Variants in NEDD9 observed in about 807,000 individuals in gnomAD.
NEDD9 encodes the protein neural precursor cell expressed, developmentally down-regulated 9.
Under a neutral mutation model 76.6 loss-of-function variants are expected in NEDD9, and 26 were observed. The ratio of observed to expected loss-of-function variants is 0.34; its 90% CI spans 0.25 to 0.47. The LOEUF (loss-of-function observed/expected upper bound fraction) is 0.47. Ranked by LOEUF, NEDD9 falls within the 20% of genes least tolerant of loss-of-function variation. The pLI is 1.00. For synonymous variants in NEDD9, 392 were observed against 414.2 expected (o/e 0.95, Z 0.65); for missense variants, 937 against 1,058.5 (o/e 0.89, Z 1.59).
chr6:11,244,106 C>T (rs547561912), intron 3 of NEDD9, among the ~76,000 whole-genome samples: 1 of 152,264 alleles, frequency 6.6e-6, no homozygotes, highest in South Asian at 2.1e-4. Context: ...GACTGAGGTT[C>T]CCTGAAGAAG....
rs181542954 is a variant in NEDD9, at chr6:11,292,403, A to G, written c.12+13589T>C. Reference sequence around the variant, plus strand: ...GCTGGACTTTGTGACCCATAATCAAACCCAGAAAGCCTTCAGCAATCCCAT... The same window carrying G: ...GCTGGACTTTGTGACCCATAATCAAGCCCAGAAAGCCTTCAGCAATCCCAT... On this transcript the variant is annotated intron_variant, in intron 3 of 3. Coordinates refer to the NEDD9 transcript ENST00000397378. Among the ~76,000 whole-genome samples, 12 of 152,300 alleles carry G rather than the reference A, an allele frequency of 7.9e-5. No individual in the cohort carries two copies. In the East Asian group the frequency reaches 2.1e-3, roughly 27 times the overall value.
At chr6:11,351,673 C>A (rs145708432) in intron 1 of NEDD9, among the ~76,000 whole-genome samples, 186 of 152,326 alleles carry the variant, frequency 1.2e-3, no homozygotes, top group African/African-American at 4.0e-3. Flanking sequence ...CAGGTTATCA[C>A]CCGCTTTGCT....
At position 11,214,125 on chromosome 6, in the gene NEDD9, C is replaced by A. The variant is rs1421187385; in HGVS notation, c.13-398G>T. ...TTCAGATGTTCGACAATGAACATTT[C>A]TCAATATTGTTCTATATTGGAGGTG... On this transcript the variant is annotated intron_variant, in intron 1 of 6. Coordinates refer to ENST00000379446, the MANE Select transcript of NEDD9 (RefSeq NM_006403.4). 39 of 488,714 alleles carry A rather than the reference C, an allele frequency of 8.0e-5. No individual in the cohort carries two copies. The Admixed American group carries it at 9.1e-4, about 11-fold the overall frequency. The allele number at this position is 488,714 out of a possible 1,614,324, so 30.3% of individuals were successfully genotyped here. A position where few individuals can be genotyped will look rare whatever the true frequency, so the allele number is the denominator to read the frequency against.
intron 3 of NEDD9, chr6:11,271,529 C>G (rs1354937481): frequency 6.6e-6 from 1 of 152,252 alleles, no homozygotes; most frequent in African/African-American, 2.4e-5. Context: ...AGAGAAGGGC[C>G]AGTAGGTTCA....
chr6:11,322,000 A>C (rs1351375437), intron 2 of NEDD9, among the ~76,000 whole-genome samples: 1 of 152,240 alleles, frequency 6.6e-6, no homozygotes, highest in African/African-American at 2.4e-5. Flanking sequence ...GTAGCCGTAA[A>C]AATGAACAAG....
At chr6:11,314,099 C>T (rs1465732060) in intron 2 of NEDD9, among the ~76,000 whole-genome samples, 5 of 152,268 alleles carry the variant, frequency 3.3e-5, no homozygotes, top group East Asian at 1.9e-4. Flanking sequence ...ATAAAACATT[C>T]GCAAATTAGA....
upstream of NEDD9, among the ~76,000 whole-genome samples, chr6:11,237,432 G>A (rs569242013): frequency 1.1e-4 from 17 of 152,308 alleles, no homozygotes; most frequent in East Asian, 3.9e-4. This position sits in a 1 kb window ranked among gnomAD's most constrained non-coding sequence, Gnocchi z 4.9. Context: ...ATATTCCCCC[G>A]TGTGTTTGAG....
At chr6:11,377,055 G>A (rs1762979274) in intron 1 of NEDD9, among the ~76,000 whole-genome samples, 1 of 152,266 alleles carries the variant, frequency 6.6e-6, no homozygotes, top group Non-Finnish European at 1.5e-5. Context: ...GAACGCAAGT[G>A]TGAAGAAGGC....
At chr6:11,269,258 A>C (rs1343146812) in intron 3 of NEDD9, among the ~76,000 whole-genome samples, 2 of 152,234 alleles carry the variant, frequency 1.3e-5, no homozygotes, top group African/African-American at 4.8e-5. Context: ...CTGGTGTCTT[A>C]GGCTATTTAG....
At chr6:11,204,656 G>A (rs1758547714) in intron 2 of NEDD9, among the ~76,000 whole-genome samples, 1 of 144,460 alleles carries the variant, frequency 6.9e-6, no homozygotes, top group African/African-American at 2.6e-5. Flanking sequence ...GGAGGCGGAG[G>A]TTGTGGTGAG....
intron 5 of NEDD9, among the ~76,000 whole-genome samples, chr6:11,189,349 T>C (rs951803873): frequency 1.3e-5 from 2 of 152,116 alleles, no homozygotes; most frequent in African/African-American, 4.8e-5. Context: ...ACTGTGACTA[T>C]CCAATGTCCC....
At chr6:11,291,737 C>T (rs1760780666) in intron 3 of NEDD9, among the ~76,000 whole-genome samples, 1 of 152,172 alleles carries the variant, frequency 6.6e-6, no homozygotes, top group South Asian at 2.1e-4. Flanking sequence ...AACGGTGCCT[C>T]TGTGGGTTAC....
At chr6:11,275,720 T>C (rs1760401669) in intron 3 of NEDD9, among the ~76,000 whole-genome samples, 1 of 152,202 alleles carries the variant, frequency 6.6e-6, no homozygotes, top group Non-Finnish European at 1.5e-5. Flanking sequence ...ACAGAGCAGG[T>C]GTGACTGATG....
Position 11,190,739 on chromosome 6 carries a change from C to T in NEDD9, c.1130G>A (p.Arg377Gln), listed in dbSNP as rs535503432. ...GGTGGAAGACGTGGACATGTTACTC[C>T]GGGTGCTGCCTGTACTGGAGAAAGA... is the stretch of plus-strand genomic sequence containing the variant. The part of the protein sequence containing the change: ...RLSFSSTGST[R>Q]SNMSTSSTSS... Residue 377 changes from arginine to glutamine, a missense_variant, in exon 5 of 7, where the codon CGG (arginine) becomes CAG (glutamine). Transcript: ENST00000379446. The surrounding 1 kb of genome is among the most constrained non-coding windows in gnomAD (Gnocchi z 5.8). The T allele has an allele frequency of 1.6e-5, 26 of 1,614,134 alleles. No homozygotes were observed. The highest frequency in any genetic ancestry group is 1.5e-4 in the South Asian group (14 of 91,084).
rs182503220 is a variant in NEDD9 at position 11,262,658 on chromosome 6, A to G, written c.12+43334T>C. On this transcript the variant is annotated intron_variant, in intron 3 of 3. Transcript: ENST00000397378. Reference sequence around the variant, plus strand: ...CAGAATAGGGTTCTTAGAGAAAAGCATTTCCATCCTCACATCTCAGAAAGC... The same window carrying G: ...CAGAATAGGGTTCTTAGAGAAAAGCGTTTCCATCCTCACATCTCAGAAAGC... Among the ~76,000 whole-genome samples, 8 of 152,392 alleles carry G rather than the reference A, an allele frequency of 5.2e-5. No homozygotes were observed. In the East Asian group the frequency reaches 1.2e-3, roughly 22 times the overall value.
chr6:11,237,514 T>C (rs1259891638), upstream of NEDD9, among the ~76,000 whole-genome samples: 3 of 152,244 alleles, frequency 2.0e-5, no homozygotes, highest in Non-Finnish European at 4.4e-5. This position sits in a 1 kb window ranked among gnomAD's most constrained non-coding sequence, Gnocchi z 4.9. Flanking sequence ...TCAAGGCCTG[T>C]TGCTAGTTCT....
chr6:11,193,478 C>T, intron 3 of NEDD9, 113 bp downstream of exon 3: 1 of 673,432 alleles, frequency 1.5e-6, no homozygotes, highest in Non-Finnish European at 2.5e-6. Context: ...CTAAACAAAG[C>T]TTCATATGAC....
chr6:11,250,141 G>A (rs1311219495), intron 3 of NEDD9, among the ~76,000 whole-genome samples: 1 of 152,200 alleles, frequency 6.6e-6, no homozygotes, highest in Non-Finnish European at 1.5e-5. Flanking sequence ...AAAGAGGGAG[G>A]GAGAGAGACG....
chr6:11,221,037 T>G (rs1037217423), intron 1 of NEDD9, among the ~76,000 whole-genome samples: 2 of 152,180 alleles, frequency 1.3e-5, no homozygotes, highest in Admixed American at 1.3e-4. Context: ...GCTGAGTTCT[T>G]TTTCACTCAT....
Sources: allele counts gnomAD v4.1 joint callset (sites outside exome capture counted in the v4.1 genomes callset), GRCh38; gene constraint gnomAD v4.1.1; non-coding constraint Gnocchi (gnomAD v3.1); transcripts MANE v1.5; gene names NCBI Gene and HGNC (gene_info 2026-07-23, HGNC 2026-07-21).